The following ZSCAN25 variants were observed in gnomAD, a reference collection of about 807,000 sequenced individuals.
ZSCAN25 encodes zinc finger and SCAN domain-containing protein 25.
A neutral mutation model predicts 38.7 loss-of-function variants in ZSCAN25; 27 were observed. That is an observed-to-expected ratio of 0.70 (90% confidence interval 0.51 to 0.96). The LOEUF (loss-of-function observed/expected upper bound fraction) is 0.96, where lower values mean the gene tolerates loss of function less well. Among genes scored for constraint, ZSCAN25 ranks in the 40% least tolerant of loss-of-function variants. ZSCAN25 has a pLI of 0.00. For synonymous variants in ZSCAN25, 273 were observed against 277.7 expected (o/e 0.98, Z 0.17); for missense variants, 637 against 705.9 (o/e 0.90, Z 1.11).
At chr7:99,707,157 G>A in the ZSCAN25 span, among the ~76,000 whole-genome samples, 1 of 152,296 alleles carries the variant, frequency 6.6e-6, no homozygotes, top group Middle Eastern at 3.4e-3. Context: ...TTATAATTGA[G>A]TTGAAAAGGA....
intron 7 of ZSCAN25, 97 bp downstream of exon 7, chr7:99,624,277 G>A (rs755524155): frequency 1.0e-5 from 16 of 1,535,924 alleles, no homozygotes; most frequent in Non-Finnish European, 1.4e-5. Context: ...CAAAGGAAGG[G>A]GACTTCATGG....
In ZSCAN25 at chr7:99,631,562, A is replaced by G. The variant is rs138505186; in HGVS notation, c.*1542A>G. On this transcript the variant is annotated 3_prime_UTR_variant, in exon 8 of 8. Coordinates refer to ENST00000394152, the MANE Select transcript of ZSCAN25 (RefSeq NM_145115.3). ...TGTCCTTTGTTGATAGTGTCCTATA[A>G]TTGCAAAATGTGGTTTGTCTTCTGA... 76 of 985,238 alleles carry G rather than the reference A, an allele frequency of 7.7e-5. No homozygotes were observed. The African/African-American group carries it at 1.2e-3, about 16-fold the overall frequency. 61.0% of individuals were successfully genotyped at this position (985,238 alleles called of 1,614,324 possible). A position where few individuals can be genotyped will look rare whatever the true frequency, so the allele number is the denominator to read the frequency against.
the ZSCAN25 span, among the ~76,000 whole-genome samples, chr7:99,658,545 T>A: frequency 6.6e-6 from 1 of 152,164 alleles, no homozygotes; most frequent in Non-Finnish European, 1.5e-5. Flanking sequence ...TTGGTGAATC[T>A]GACAATTATG....
chr7:99,733,321 T>C, the ZSCAN25 span, among the ~76,000 whole-genome samples: 1 of 152,186 alleles, frequency 6.6e-6, no homozygotes, highest in Non-Finnish European at 1.5e-5. Context: ...GGTGAGTGTC[T>C]AGATTCACAT....
the ZSCAN25 span, among the ~76,000 whole-genome samples, chr7:99,696,023 A>T: frequency 6.6e-6 from 1 of 152,218 alleles, no homozygotes; most frequent in Non-Finnish European, 1.5e-5. Flanking sequence ...CGTCTCCACC[A>T]TGAGACACCA....
chr7:99,715,539 G>A, the ZSCAN25 span: 4 of 736,244 alleles, frequency 5.4e-6, no homozygotes, highest in Non-Finnish European at 6.4e-6. Flanking sequence ...ACGACAACAG[G>A]ATTTCTGGCA....
the ZSCAN25 span, chr7:99,638,425 C>T: frequency 1.9e-6 from 3 of 1,574,034 alleles, no homozygotes; most frequent in Non-Finnish European, 2.6e-6. Flanking sequence ...AGGATTATGG[C>T]ATCCCTCATC....
intron 6 of ZSCAN25, among the ~76,000 whole-genome samples, chr7:99,623,029 A>G (rs1807128590): frequency 1.3e-5 from 2 of 152,064 alleles, no homozygotes; most frequent in African/African-American, 4.8e-5. Context: ...GATGGTCTCG[A>G]TCTCCTGATC....
the ZSCAN25 span, among the ~76,000 whole-genome samples, chr7:99,737,352 T>C: frequency 6.6e-6 from 1 of 152,176 alleles, no homozygotes; most frequent in East Asian, 1.9e-4. Flanking sequence ...CAACCAGAAA[T>C]TGGTTGAGAT....
At chr7:99,683,038 A>G in the ZSCAN25 span, among the ~76,000 whole-genome samples, 6 of 152,176 alleles carry the variant, frequency 3.9e-5, no homozygotes, top group African/African-American at 1.4e-4. Flanking sequence ...GTTTCCATAT[A>G]TCATTTGGAA....
chr7:99,652,575 G>A, the ZSCAN25 span: 17 of 1,612,388 alleles, frequency 1.1e-5, no homozygotes, highest in Admixed American at 2.8e-4. Context: ...AACTCCTCAG[G>A]CTCTGTCCAG....
At chr7:99,673,297 AC>A in the ZSCAN25 span, among the ~76,000 whole-genome samples, 1 of 152,212 alleles carries the variant, frequency 6.6e-6, no homozygotes, top group South Asian at 2.1e-4. Context: ...GCTTTCTCCC[AC>A]TTGCTTCTAG....
chr7:99,698,808 T>A, the ZSCAN25 span, among the ~76,000 whole-genome samples: 2 of 152,180 alleles, frequency 1.3e-5, no homozygotes, highest in African/African-American at 2.4e-5. Context: ...AAATTCTGAT[T>A]TAAAAATGAA....
intron 2 of ZSCAN25, 68 bp downstream of exon 2, chr7:99,618,719 A>G (rs377302162): frequency 2.5e-4 from 38 of 152,312 alleles, no homozygotes; most frequent in African/African-American, 8.7e-4. Flanking sequence ...AATGACTTTT[A>G]TAAAACATGT....
chr7:99,708,593 A>T, the ZSCAN25 span, among the ~76,000 whole-genome samples: 3 of 152,144 alleles, frequency 2.0e-5, no homozygotes, highest in South Asian at 2.1e-4. Flanking sequence ...ATTGATGGAA[A>T]GCAGTGTCAT....
the ZSCAN25 span, among the ~76,000 whole-genome samples, chr7:99,668,511 CTA>C: frequency 2.0e-5 from 3 of 152,042 alleles, no homozygotes; most frequent in South Asian, 2.1e-4. Context: ...TGTAATTTGA[CTA>C]TGTGATTCTC....
chr7:99,720,506 A>G, the ZSCAN25 span: 1 of 1,345,282 alleles, frequency 7.4e-7, no homozygotes, highest in Non-Finnish European at 1.1e-6. Context: ...CGGACATTAC[A>G]TAATCCTCTA....
chr7:99,676,030 C>T, the ZSCAN25 span: 1 of 1,198,256 alleles, frequency 8.3e-7, no homozygotes, highest in South Asian at 1.2e-5. Context: ...TCAGAACTCC[C>T]TCCCAAGGAG....
At chr7:99,702,816 A>C in the ZSCAN25 span, among the ~76,000 whole-genome samples, 1 of 152,206 alleles carries the variant, frequency 6.6e-6, no homozygotes. Flanking sequence ...ATTGCATTGA[A>C]TCTGTACATT....
Sources: gnomAD v4.1 joint callset for allele counts (sites outside exome capture counted in the v4.1 genomes callset) on GRCh38, gnomAD v4.1.1 for gene constraint, MANE v1.5 for transcripts, NCBI Gene and HGNC (gene_info 2026-07-23, HGNC 2026-07-21) for gene names.